LRRTM4: variants seen among roughly 807,000 people sequenced by gnomAD.
LRRTM4 encodes leucine rich repeat transmembrane neuronal 4.
Under a neutral mutation model 47.6 loss-of-function variants are expected in LRRTM4, and 25 were observed. The observed-to-expected ratio is 0.53, with a 90% confidence interval of 0.38 to 0.73. The LOEUF (loss-of-function observed/expected upper bound fraction) is 0.73, where lower values mean the gene tolerates loss of function less well. LRRTM4 is among the 30% of genes least tolerant of loss of function. The pLI is 0.00. For missense variants in LRRTM4, 638 were observed against 713.4 expected (o/e 0.89, Z 1.20); for synonymous variants, 311 against 269.5 (o/e 1.15, Z -1.51).
intron 3 of LRRTM4, among the ~76,000 whole-genome samples, chr2:77,506,024 G>C (rs189843798): frequency 6.6e-6 from 1 of 151,510 alleles, no homozygotes; most frequent in South Asian, 2.1e-4. Context: ...TTTTTTAGTA[G>C]ACATGGAATT....
rs1271075049 is a variant in LRRTM4 at position 77,140,395 on chromosome 2, A to G, written c.1551+377923T>C. On this transcript the variant is annotated intron_variant, in intron 3 of 3. Transcript: ENST00000409884. ...GGGAAAAGGATTCCCTAATTAATAAATGGTGCTGGGAAAACTGGCTAGCCA... is the reference window on the plus strand; with the variant it reads ...GGGAAAAGGATTCCCTAATTAATAAGTGGTGCTGGGAAAACTGGCTAGCCA... Among the ~76,000 whole-genome samples, 3 of 152,316 alleles carry G rather than the reference A, an allele frequency of 2.0e-5. No homozygotes were observed. The East Asian group carries it at 5.8e-4, about 29-fold the overall frequency.
intron 3 of LRRTM4, among the ~76,000 whole-genome samples, chr2:77,158,148 G>A (rs1241391294): frequency 6.6e-6 from 1 of 152,056 alleles, no homozygotes; most frequent in African/African-American, 2.4e-5. Context: ...AGAGGCTTCT[G>A]GCCAACTTCT....
intron 3 of LRRTM4, among the ~76,000 whole-genome samples, chr2:76,872,687 G>A (rs1672659482): frequency 6.6e-6 from 1 of 151,980 alleles, no homozygotes; most frequent in Non-Finnish European, 1.5e-5. Flanking sequence ...CTATAGTTTG[G>A]ATATTTGACC....
intron 3 of LRRTM4, among the ~76,000 whole-genome samples, chr2:77,074,223 C>T (rs1257112425): frequency 6.6e-6 from 1 of 152,118 alleles, no homozygotes; most frequent in East Asian, 1.9e-4. Flanking sequence ...CTTGTTATAA[C>T]ATAGATGGTC....
At chr2:77,141,476 T>TGGGGGGA (rs1672120742) in intron 3 of LRRTM4, among the ~76,000 whole-genome samples, 1 of 40,712 alleles carries the variant, frequency 2.5e-5, no homozygotes, top group African/African-American at 1.0e-4. Context: ...TGTCATGGGG[T>TGGGGGGA]GGGGGGAGGG....
At chr2:76,963,471 A>G (rs1410418685) in intron 3 of LRRTM4, among the ~76,000 whole-genome samples, 2 of 150,978 alleles carry the variant, frequency 1.3e-5, no homozygotes, top group African/African-American at 4.8e-5. Flanking sequence ...TACGTAATAT[A>G]AACACATATG....
chr2:77,329,221 C>CA (rs898084449), intron 3 of LRRTM4, among the ~76,000 whole-genome samples: 1 of 152,004 alleles, frequency 6.6e-6, no homozygotes, highest in Non-Finnish European at 1.5e-5. Context: ...CTCAAATTAC[C>CA]AAAAAAATTG....
chr2:77,416,634 G>A (rs290013), intron 3 of LRRTM4, among the ~76,000 whole-genome samples: 49,003 of 151,728 alleles, frequency 0.32, 9,195 homozygotes, highest in Non-Finnish European at 0.43. Context: ...TCTAACTAAG[G>A]TGTTCATTAA....
chr2:77,185,455 T>G (rs556554628), intron 3 of LRRTM4, among the ~76,000 whole-genome samples: 1 of 152,266 alleles, frequency 6.6e-6, no homozygotes, highest in African/African-American at 2.4e-5. Context: ...GGGCGTTTAC[T>G]TATATATCAC....
At chr2:77,224,064 C>A (rs981411675) in intron 3 of LRRTM4, among the ~76,000 whole-genome samples, 1 of 151,240 alleles carries the variant, frequency 6.6e-6, no homozygotes. Flanking sequence ...CGCATATCTA[C>A]AACTATCTGA....
chr2:77,410,099 C>G (rs1371778677), intron 3 of LRRTM4, among the ~76,000 whole-genome samples: 1 of 151,928 alleles, frequency 6.6e-6, no homozygotes, highest in African/African-American at 2.4e-5. Flanking sequence ...ACATCTATAT[C>G]CATATCTACA....
chr2:76,908,169 G>T (rs938186472), intron 3 of LRRTM4, among the ~76,000 whole-genome samples: 1 of 149,150 alleles, frequency 6.7e-6, no homozygotes, highest in African/African-American at 2.5e-5. Context: ...TTCATCCCTG[G>T]GATGCAAGGC....
intron 3 of LRRTM4, among the ~76,000 whole-genome samples, chr2:77,185,702 GC>G (rs1191113440): frequency 6.6e-6 from 1 of 152,108 alleles, no homozygotes; most frequent in Non-Finnish European, 1.5e-5. Flanking sequence ...TTGCCCATAA[GC>G]CACATGCATC....
At chr2:77,015,973 T>C (rs939515796) in intron 3 of LRRTM4, among the ~76,000 whole-genome samples, 4 of 152,120 alleles carry the variant, frequency 2.6e-5, no homozygotes, top group African/African-American at 9.6e-5. Flanking sequence ...TGTAATCTAC[T>C]CAGGAGGCTG....
intron 3 of LRRTM4, among the ~76,000 whole-genome samples, chr2:77,078,233 A>G (rs971738427): frequency 6.6e-6 from 1 of 152,208 alleles, no homozygotes; most frequent in Non-Finnish European, 1.5e-5. Context: ...AAACTAATCT[A>G]ACAATAACTG....
rs144153050 is a variant in LRRTM4 at position 76,754,280 on chromosome 2, G to C, written c.1552-5364C>G. ...TACTGGCTATATTAGTATGTGACAA[G>C]AATGGACAAGGAATAAGTACATGTA... On this transcript the variant is annotated intron_variant, in intron 3 of 3. Transcript: ENST00000409884. Among the ~76,000 whole-genome samples, 677 of 151,894 alleles carry C rather than the reference G, an allele frequency of 4.5e-3. 14 individuals carry two copies. The South Asian group carries it at 0.063, about 14-fold the overall frequency.
chr2:77,007,944 T>C (rs182270325), intron 3 of LRRTM4, among the ~76,000 whole-genome samples: 8 of 152,308 alleles, frequency 5.3e-5, no homozygotes, highest in Admixed American at 6.5e-5. Flanking sequence ...CTTCAATGAA[T>C]TGAGTCATTC....
chr2:77,274,442 T>A (rs60658941), intron 3 of LRRTM4, among the ~76,000 whole-genome samples: 4 of 151,956 alleles, frequency 2.6e-5, no homozygotes, highest in African/African-American at 9.7e-5. Context: ...ATATCTCTTA[T>A]GGGAAGAATT....
At chr2:77,406,205 C>A (rs1674176606) in intron 3 of LRRTM4, among the ~76,000 whole-genome samples, 1 of 152,028 alleles carries the variant, frequency 6.6e-6, no homozygotes, top group Non-Finnish European at 1.5e-5. Flanking sequence ...TACCTGAAAG[C>A]TGTTGACTAG....
Sources: gnomAD v4.1 joint callset for allele counts (sites outside exome capture counted in the v4.1 genomes callset) on GRCh38, gnomAD v4.1.1 for gene constraint, MANE v1.5 for transcripts, NCBI Gene and HGNC (gene_info 2026-07-23, HGNC 2026-07-21) for gene names.